The following CAMTA1 variants were observed in gnomAD, a reference collection of about 807,000 sequenced individuals.
CAMTA1 encodes calmodulin-binding transcription activator 1.
Under a neutral mutation model 170.9 loss-of-function variants are expected in CAMTA1, and 27 were observed. The observed-to-expected ratio is 0.16, with a 90% CI of 0.12 to 0.22. The LOEUF is 0.22. Ranked by LOEUF, CAMTA1 falls within the 10% of genes least tolerant of loss-of-function variation. The pLI is 1.00. For missense variants in CAMTA1, 1,619 were observed against 2,217.2 expected (o/e 0.73, Z 5.42); for synonymous variants, 833 against 891.5 (o/e 0.93, Z 1.17).
At chr1:6,856,175 G>A (rs965468772) in intron 3 of CAMTA1, among the ~76,000 whole-genome samples, 1 of 152,084 alleles carries the variant, frequency 6.6e-6, no homozygotes, top group Non-Finnish European at 1.5e-5. Flanking sequence ...GATGGGTACT[G>A]GAGAAGCCAC....
intron 3 of CAMTA1, among the ~76,000 whole-genome samples, chr1:6,902,073 A>ACACACAAAAAG (rs772368106): frequency 7.6e-5 from 6 of 78,496 alleles, no homozygotes; most frequent in African/African-American, 2.4e-4. Flanking sequence ...ACACACACAC[A>ACACACAAAAAG]AAAAAAAAAA....
chr1:7,658,610 A>T (rs1264709312), intron 7 of CAMTA1, among the ~76,000 whole-genome samples: 1 of 152,042 alleles, frequency 6.6e-6, no homozygotes, highest in Non-Finnish European at 1.5e-5. Context: ...CTGTTTTCTT[A>T]TCTGTAAAAT....
chr1:7,015,574 C>T (rs891950246), intron 3 of CAMTA1, among the ~76,000 whole-genome samples: 3 of 152,170 alleles, frequency 2.0e-5, no homozygotes, highest in Non-Finnish European at 2.9e-5. Flanking sequence ...TGGGGCTGTG[C>T]CGTTCCATGA....
At chr1:7,394,306 C>G (rs2089050685) in intron 5 of CAMTA1, among the ~76,000 whole-genome samples, 1 of 152,098 alleles carries the variant, frequency 6.6e-6, no homozygotes, top group East Asian at 1.9e-4. Flanking sequence ...ACATTCCTAC[C>G]AAAAGTGTAT....
At chr1:7,080,235 A>G (rs1311994860) in intron 3 of CAMTA1, among the ~76,000 whole-genome samples, 1 of 152,192 alleles carries the variant, frequency 6.6e-6, no homozygotes, top group Non-Finnish European at 1.5e-5. Context: ...AACCAAAGGG[A>G]GATGGATTAA....
At chr1:7,431,827 C>G (rs1162166644) in intron 5 of CAMTA1, among the ~76,000 whole-genome samples, 2 of 152,202 alleles carry the variant, frequency 1.3e-5, no homozygotes. Context: ...GATGCCTAAG[C>G]CCCTGGAGAC....
At chr1:7,643,630 G>A (rs1297870991) in intron 7 of CAMTA1, among the ~76,000 whole-genome samples, 1 of 152,214 alleles carries the variant, frequency 6.6e-6, no homozygotes, top group Non-Finnish European at 1.5e-5. Context: ...GAACTGGAGG[G>A]AACTGTGAAT....
rs940164296 is a variant in CAMTA1, at chr1:7,146,715, C to T, written c.302+55344C>T. Among the ~76,000 whole-genome samples, 24 of 151,938 alleles carry T rather than the reference C, an allele frequency of 1.6e-4. No homozygotes were observed. The South Asian group carries it at 3.7e-3, about 24-fold the overall frequency. On this transcript the variant is annotated intron_variant, in intron 4 of 22. Transcript: ENST00000303635. The surrounding 1 kb of genome is among the most constrained non-coding windows in gnomAD (Gnocchi z 4.3). ...AGGGGGTAGGGAGAGAAGGGTTTGG[C>T]GTATTGCACACACACAAACACACAC...
At chr1:7,035,106 A>G (rs1036124070) in intron 3 of CAMTA1, among the ~76,000 whole-genome samples, 1 of 152,142 alleles carries the variant, frequency 6.6e-6, no homozygotes. Context: ...TAAAGAATAA[A>G]AGCTGTCATT....
intron 6 of CAMTA1, among the ~76,000 whole-genome samples, chr1:7,616,605 A>G (rs1413365331): frequency 6.6e-6 from 1 of 152,314 alleles, no homozygotes; most frequent in Non-Finnish European, 1.5e-5. Context: ...GTCCTTCCCC[A>G]GGGACACATT....
chr1:7,186,686 A>G (rs1653346750), intron 4 of CAMTA1, among the ~76,000 whole-genome samples: 1 of 152,222 alleles, frequency 6.6e-6, no homozygotes, highest in Non-Finnish European at 1.5e-5. Context: ...CTTACTTTAG[A>G]ATGAGTTTTA....
intron 10 of CAMTA1, among the ~76,000 whole-genome samples, chr1:7,675,801 C>T (rs1313049787): frequency 2.6e-5 from 4 of 151,992 alleles, no homozygotes; most frequent in South Asian, 2.1e-4. Context: ...AAGGGAAGAG[C>T]GAGTCCAGGA....
Position 7,104,128 on chromosome 1 carries a change from TAAC to T in CAMTA1, c.302+12758_302+12760del, listed in dbSNP as rs1052630703. 2.4e-4 allele frequency among the ~76,000 whole-genome samples: 4 copies of T among 16,602 alleles called. No individual in the cohort carries two copies. In the East Asian group the frequency reaches 2.5e-3, roughly 10 times the overall value. 10.9% of individuals were successfully genotyped at this position (16,602 alleles called of 152,430 possible). On this transcript the variant is annotated intron_variant, in intron 4 of 22. Coordinates refer to ENST00000303635, the MANE Select transcript of CAMTA1 (RefSeq NM_015215.4). ...TACACACATGTACACACAACACACATAACTACACACGTACACACAACACACATA... is the reference window on the plus strand; with the variant it reads ...TACACACATGTACACACAACACACATTACACACGTACACACAACACACATA...
chr1:7,311,328 A>T (rs1402930386), intron 5 of CAMTA1, among the ~76,000 whole-genome samples: 1 of 152,008 alleles, frequency 6.6e-6, no homozygotes, highest in East Asian at 1.9e-4. Context: ...TCTTATTCAG[A>T]TTGGATAATT....
At chr1:7,077,039 TTCATCTATTAATGGCCACCAG>T (rs1293995915) in intron 3 of CAMTA1, among the ~76,000 whole-genome samples, 1 of 152,182 alleles carries the variant, frequency 6.6e-6, no homozygotes, top group Non-Finnish European at 1.5e-5. Context: ...CCAAACACCT[TTCATCTATTAATGGCCACCAG>T]TGGCCTATAA....
rs544937101 is a variant in CAMTA1, at chr1:6,887,329, C to G, written c.234+62119C>G. On this transcript the variant is annotated intron_variant, in intron 3 of 22. Transcript: ENST00000303635. This position sits in a 1 kb window ranked among gnomAD's most constrained non-coding sequence, Gnocchi z 4.1. ...TTGATCTTTTAAAAAAGTTTTGTGG[C>G]CTCTTAAAGATAAAACCTACAACCC... 6.6e-6 allele frequency among the ~76,000 whole-genome samples: 1 copy of G among 152,076 alleles called. No individual in the cohort carries two copies. The highest frequency in any genetic ancestry group is 2.1e-4 in the South Asian group (1 of 4,824).
chr1:7,107,613 C>T (rs72640096), intron 4 of CAMTA1, among the ~76,000 whole-genome samples: 9,496 of 152,228 alleles, frequency 0.062, 426 homozygotes, highest in Admixed American at 0.15. Flanking sequence ...GGAGCCACCT[C>T]CCGGAGGGGC....
chr1:6,858,486 T>TGGGGG (rs70984029), intron 3 of CAMTA1, among the ~76,000 whole-genome samples: 3 of 90,070 alleles, frequency 3.3e-5, no homozygotes, highest in Admixed American at 1.5e-4. Context: ...GTGTGTGTGT[T>TGGGGG]GGGGGGGGGG....
intron 4 of CAMTA1, among the ~76,000 whole-genome samples, chr1:7,238,881 T>TCAAAA (rs1371859535): frequency 2.0e-5 from 3 of 152,154 alleles, no homozygotes; most frequent in Non-Finnish European, 2.9e-5. Context: ...AGACTCCATC[T>TCAAAA]CAAAACAAAA....
Sources: allele counts gnomAD v4.1 joint callset (sites outside exome capture counted in the v4.1 genomes callset), GRCh38; gene constraint gnomAD v4.1.1; non-coding constraint Gnocchi (gnomAD v3.1); transcripts MANE v1.5; gene names NCBI Gene and HGNC (gene_info 2026-07-23, HGNC 2026-07-21).